DGKG: variants seen among roughly 807,000 people sequenced by gnomAD.
DGKG encodes the protein DAG kinase gamma.
DGKG carries 78 observed loss-of-function variants against 105.3 expected under a neutral mutation model. That is an observed-to-expected ratio of 0.74 (90% CI 0.62 to 0.89). The LOEUF (loss-of-function observed/expected upper bound fraction) is 0.89, where lower values mean the gene tolerates loss of function less well. Ranked by LOEUF, DGKG falls within the 40% of genes least tolerant of loss-of-function variation. The probability of loss-of-function intolerance (pLI) is 0.00; values close to 1 mark genes in which losing one functional copy is unlikely to be tolerated. For synonymous variants in DGKG, 346 were observed against 367.1 expected (o/e 0.94, Z 0.66); for missense variants, 958 against 1,020.1 (o/e 0.94, Z 0.83).
chr3:186,276,555 G>GA (rs1722597885), intron 9 of DGKG, among the ~76,000 whole-genome samples: 1 of 152,200 alleles, frequency 6.6e-6, no homozygotes, highest in African/African-American at 2.4e-5. Context: ...TCGGTACGCA[G>GA]AAAAAATAGT....
intron 2 of DGKG, among the ~76,000 whole-genome samples, chr3:186,308,441 C>G (rs1311909334): frequency 6.6e-6 from 1 of 152,046 alleles, no homozygotes; most frequent in Non-Finnish European, 1.5e-5. Context: ...ACATCTGAGC[C>G]AAAGGACGAT....
chr3:186,328,462 C>T (rs576934375), intron 1 of DGKG, among the ~76,000 whole-genome samples: 19 of 152,152 alleles, frequency 1.2e-4, no homozygotes, highest in African/African-American at 1.9e-4. Flanking sequence ...GGAGGGGTGA[C>T]GAGGTGATGT....
Position 186,161,579 on chromosome 3 carries a change from A to G in DGKG, c.2277+24T>C, listed in dbSNP as rs768962612. On this transcript the variant is annotated intron_variant, in intron 24 of 24. Transcript: ENST00000265022. ...CTCAAAAATAAGGCTTCTCATCCCC[A>G]TCTCAAAGATTGGCAAGACTCACCG... is the stretch of plus-strand genomic sequence containing the variant. The G allele has an allele frequency of 2.5e-5, 41 of 1,613,930 alleles. No individual in the cohort carries two copies. The East Asian group carries it at 9.1e-4, about 36-fold the overall frequency.
intron 21 of DGKG, among the ~76,000 whole-genome samples, chr3:186,205,205 C>T (rs1394476278): frequency 1.4e-5 from 2 of 146,134 alleles, no homozygotes; most frequent in Non-Finnish European, 3.0e-5. Context: ...TGCAGTGAGC[C>T]GAGATTGTGC....
intron 1 of DGKG, among the ~76,000 whole-genome samples, chr3:186,344,979 T>C (rs965129085): frequency 1.3e-5 from 2 of 152,208 alleles, no homozygotes; most frequent in Non-Finnish European, 2.9e-5. Flanking sequence ...ATTTATATTA[T>C]GTTTTGTTTG....
At chr3:186,164,849 G>C in intron 23 of DGKG, 49 bp downstream of exon 23, 2 of 1,575,050 alleles carry the variant, frequency 1.3e-6, no homozygotes, top group Non-Finnish European at 1.7e-6. Context: ...GCATGAATGT[G>C]TACGCAGGCG....
chr3:186,305,998 T>C (rs1015672953), intron 3 of DGKG, among the ~76,000 whole-genome samples: 1 of 152,088 alleles, frequency 6.6e-6, no homozygotes, highest in Admixed American at 6.6e-5. Context: ...TAAGAAGAAA[T>C]CAGGAGAATG....
intron 1 of DGKG, among the ~76,000 whole-genome samples, chr3:186,358,505 T>TG (rs1727082907): frequency 6.7e-6 from 1 of 148,868 alleles, no homozygotes; most frequent in Non-Finnish European, 1.5e-5. Context: ...CTTCTAACCC[T>TG]TTGTGTGTGT....
chr3:186,279,929 G>C lies in DGKG; in HGVS notation c.714C>G (p.Gly238=), dbSNP rs2108594543. The change falls in exon 9 of 25, where the codon GGC becomes GGG. Residue 238 remains glycine, a synonymous_variant. Transcript: ENST00000265022. ...MLQGMDYDRD[G]FVSLQEWVHG... is the part of the protein sequence containing the mutation. Reference sequence around the variant, plus strand: ...GGACCCATTCCTGTAGAGACACAAAGCCGTCCCGGTCGTAGTCCATCCCTT... The same window carrying C: ...GGACCCATTCCTGTAGAGACACAAACCCGTCCCGGTCGTAGTCCATCCCTT... The C allele has an allele frequency of 6.2e-7, 1 of 1,614,178 alleles. No individual in the cohort carries two copies. The highest frequency in any genetic ancestry group is 1.6e-4 in the Middle Eastern group (1 of 6,062).
rs544582270 is a variant in DGKG, at chr3:186,241,628, A to T, written c.1826+876T>A. Among the ~76,000 whole-genome samples, 8 of 152,314 alleles carry T rather than the reference A, an allele frequency of 5.3e-5. No individual in the cohort carries two copies. The South Asian group carries it at 1.7e-3, about 32-fold the overall frequency. On this transcript the variant is annotated intron_variant, in intron 20 of 24. Transcript: ENST00000265022. ...TAAAAGTCAACACCTTTAGGCTCAA[A>T]AACAAAGTCCAAATCATTATCCATT...
rs961443839 is a variant in DGKG, at chr3:186,231,676, T to A, written c.1826+10828A>T. On this transcript the variant is annotated intron_variant, in intron 20 of 24. Coordinates refer to ENST00000265022, the MANE Select transcript of DGKG (RefSeq NM_001346.3). This position sits in a 1 kb window ranked among gnomAD's most constrained non-coding sequence, Gnocchi z 4.5. ...ACTCACGCCTGTAATCCCAGCACTT[T>A]GGGAAGCCTAGGTGGTTGGATCAAC... Among the ~76,000 whole-genome samples the A allele has an allele frequency of 2.0e-5, 3 of 152,162 alleles. No homozygotes were observed. Among genetic ancestry groups the A allele is most frequent in the African/African-American group, 4.8e-5 (2 of 41,442 alleles).
At chr3:186,190,514 T>G (rs902420324) in intron 21 of DGKG, among the ~76,000 whole-genome samples, 1 of 152,192 alleles carries the variant, frequency 6.6e-6, no homozygotes, top group Non-Finnish European at 1.5e-5. Context: ...ATCCTTATCC[T>G]TATTATCCAA....
chr3:186,177,660 C>A (rs1211645491), intron 22 of DGKG, among the ~76,000 whole-genome samples: 1 of 152,208 alleles, frequency 6.6e-6, no homozygotes, highest in Non-Finnish European at 1.5e-5. Flanking sequence ...CCTCTGCAGA[C>A]TTGGAGCACC....
chr3:186,312,959 C>T (rs1275896441), intron 2 of DGKG, among the ~76,000 whole-genome samples: 1 of 152,198 alleles, frequency 6.6e-6, no homozygotes, highest in Non-Finnish European at 1.5e-5. Flanking sequence ...TCATCCCCAG[C>T]ATGCAGCCCA....
intron 1 of DGKG, among the ~76,000 whole-genome samples, chr3:186,345,394 G>A (rs746430417): frequency 6.6e-6 from 1 of 152,106 alleles, no homozygotes; most frequent in Non-Finnish European, 1.5e-5. Context: ...TTATAACTGA[G>A]TTGTTTGGTG....
At chr3:186,288,918 C>T (rs1560135666) in intron 5 of DGKG, 38 bp from the exon 6 acceptor site, 1 of 1,513,074 alleles carries the variant, frequency 6.6e-7, no homozygotes, top group Non-Finnish European at 8.8e-7. Context: ...AGGACATTTT[C>T]TGTTTAGTAA....
rs78762931 is a variant in DGKG, at chr3:186,311,715, C to A, written c.68-4738G>T. Among the ~76,000 whole-genome samples, 100 of 152,220 alleles carry A rather than the reference C, an allele frequency of 6.6e-4. No homozygotes were observed. In the Middle Eastern group the frequency reaches 0.014, roughly 21 times the overall value. On this transcript the variant is annotated intron_variant, in intron 2 of 24. Coordinates refer to ENST00000265022, the MANE Select transcript of DGKG (RefSeq NM_001346.3). ...GCCTTGTCAGTGTGGGACAGGGGTG[C>A]GTTCCATCTGAACAAGCAGACAAAT...
At position 186,149,953 on chromosome 3, in the gene DGKG, C is replaced by T. The variant is rs770158010; in HGVS notation, c.*137G>A. ...GTGACGTTTTCTTCCCGAAGGGTGG[C>T]TTTGCTTCCACTGGTTAGAGAAGAG... On this transcript the variant is annotated 3_prime_UTR_variant, in exon 25 of 25. Transcript: ENST00000265022. 2 of 1,425,326 alleles carry T rather than the reference C, an allele frequency of 1.4e-6. No individual in the cohort carries two copies. The highest frequency in any genetic ancestry group is 1.5e-5 in the South Asian group (1 of 64,870). 88.3% of individuals were successfully genotyped at this position (1,425,326 alleles called of 1,614,324 possible).
At chr3:186,265,705 C>T (rs1722023719) in intron 13 of DGKG, among the ~76,000 whole-genome samples, 1 of 127,826 alleles carries the variant, frequency 7.8e-6, no homozygotes, top group Non-Finnish European at 1.6e-5. Context: ...GCTCTATTGC[C>T]AGGCTGGAGT....
Sources: gnomAD v4.1 joint callset for allele counts (sites outside exome capture counted in the v4.1 genomes callset) on GRCh38, gnomAD v4.1.1 for gene constraint, Gnocchi (gnomAD v3.1) non-coding constraint, MANE v1.5 for transcripts, NCBI Gene and HGNC (gene_info 2026-07-23, HGNC 2026-07-21) for gene names.